Variants in BMERB1 observed in about 807,000 individuals in gnomAD.
The protein encoded by BMERB1 is bMERB domain containing 1.
Under a neutral mutation model 23.6 loss-of-function variants are expected in BMERB1, and 12 were observed. The observed-to-expected ratio is 0.51, with a 90% confidence interval of 0.33 to 0.82. The LOEUF (loss-of-function observed/expected upper bound fraction) is 0.82. Ranked by LOEUF, BMERB1 falls within the 40% of genes least tolerant of loss-of-function variation. BMERB1 has a pLI of 0.03. For synonymous variants in BMERB1, 122 were observed against 96.6 expected (o/e 1.26, Z -1.54); for missense variants, 247 against 255.4 (o/e 0.97, Z 0.22).
intron 1 of BMERB1, among the ~76,000 whole-genome samples, chr16:15,442,122 G>A (rs928043502): frequency 3.1e-4 from 47 of 152,190 alleles, no homozygotes; most frequent in African/African-American, 1.1e-3. Flanking sequence ...CCTGAGGTGA[G>A]GAGTTTGAGA....
At chr16:15,508,828 C>CAAA (rs1181215065) in intron 1 of BMERB1, among the ~76,000 whole-genome samples, 1,059 of 55,840 alleles carry the variant, frequency 0.019, 19 homozygotes, top group African/African-American at 0.065. Flanking sequence ...CCTGCCCCAC[C>CAAA]AAAAAAAAAA....
intron 3 of BMERB1, among the ~76,000 whole-genome samples, chr16:15,571,984 A>G (rs950156839): frequency 1.3e-5 from 2 of 151,942 alleles, no homozygotes; most frequent in African/African-American, 2.4e-5. Context: ...CAGGCCGGGG[A>G]TCCTATTGCT....
chr16:15,553,588 C>T (rs899992227), intron 2 of BMERB1, among the ~76,000 whole-genome samples: 1 of 152,204 alleles, frequency 6.6e-6, no homozygotes, highest in Admixed American at 6.5e-5. Context: ...GACTTCGTTC[C>T]AATAGCATGT....
intron 2 of BMERB1, among the ~76,000 whole-genome samples, chr16:15,531,623 C>G (rs2051968301): frequency 6.6e-6 from 1 of 152,166 alleles, no homozygotes; most frequent in South Asian, 2.1e-4. Flanking sequence ...TAGCTTCATC[C>G]TGTGCCGGGT....
Position 15,583,139 on chromosome 16 carries a change from C to G in BMERB1, c.420-17C>G. On this transcript the variant is annotated splice_polypyrimidine_tract_variant and intron_variant, in intron 4 of 5. Transcript: ENST00000300006. ...TTGCTGTGTATCTTCTTTTCTTTTACCCATCTACTTTCACAGGGAGCAAGA... is the reference window on the plus strand; with the variant it reads ...TTGCTGTGTATCTTCTTTTCTTTTAGCCATCTACTTTCACAGGGAGCAAGA... 1 of 1,581,016 alleles carries G rather than the reference C, an allele frequency of 6.3e-7. No individual in the cohort carries two copies. Among genetic ancestry groups the G allele is most frequent in the Non-Finnish European group, 8.7e-7 (1 of 1,149,964 alleles).
intron 1 of BMERB1, among the ~76,000 whole-genome samples, chr16:15,495,461 G>A (rs1013505371): frequency 1.2e-4 from 19 of 152,082 alleles, no homozygotes. Flanking sequence ...CGCCTCCCGG[G>A]TTCACACCAT....
At chr16:15,577,549 G>A (rs2030897391) in intron 3 of BMERB1, among the ~76,000 whole-genome samples, 1 of 152,218 alleles carries the variant, frequency 6.6e-6, no homozygotes, top group Non-Finnish European at 1.5e-5. Context: ...GGAATGAAAG[G>A]CAGTAAAGGA....
chr16:15,464,312 TAAAAAAAAAAA>T (rs528828210), intron 1 of BMERB1, among the ~76,000 whole-genome samples: 181 of 103,996 alleles, frequency 1.7e-3, no homozygotes, highest in African/African-American at 6.5e-3. Context: ...GACTTCATCT[TAAAAAAAAAAA>T]AAAAAAAAAG....
intron 1 of BMERB1, among the ~76,000 whole-genome samples, chr16:15,489,343 G>C (rs527627531): frequency 6.6e-6 from 1 of 152,220 alleles, no homozygotes; most frequent in African/African-American, 2.4e-5. Flanking sequence ...TAAATGCTCT[G>C]AACAAAATGT....
chr16:15,453,105 G>T (rs1347142843), intron 1 of BMERB1, among the ~76,000 whole-genome samples: 2 of 152,144 alleles, frequency 1.3e-5, no homozygotes, highest in Non-Finnish European at 2.9e-5. Context: ...CCGGGAGACG[G>T]AGGTTGCAGT....
intron 2 of BMERB1, among the ~76,000 whole-genome samples, chr16:15,530,285 T>C (rs2051954170): frequency 6.6e-6 from 1 of 152,210 alleles, no homozygotes; most frequent in South Asian, 2.1e-4. Context: ...TTCAAAAAAT[T>C]GCAACCTCAG....
chr16:15,442,685 C>T (rs2050950356), intron 1 of BMERB1, among the ~76,000 whole-genome samples: 1 of 152,110 alleles, frequency 6.6e-6, no homozygotes, highest in Admixed American at 6.6e-5. Flanking sequence ...CATAACAGCC[C>T]TATGACATAA....
At chr16:15,513,167 A>T (rs1302712813) in intron 1 of BMERB1, among the ~76,000 whole-genome samples, 1 of 152,152 alleles carries the variant, frequency 6.6e-6, no homozygotes, top group Non-Finnish European at 1.5e-5. Flanking sequence ...TTCACCCTAG[A>T]AACATAGCCC....
At chr16:15,496,008 G>GGTGATA (rs200316650) in intron 1 of BMERB1, among the ~76,000 whole-genome samples, 2,398 of 145,020 alleles carry the variant, frequency 0.017, 30 homozygotes, top group Non-Finnish European at 0.02. Context: ...TGGTGGTGGT[G>GGTGATA]GTGATAGTGG....
intron 3 of BMERB1, among the ~76,000 whole-genome samples, chr16:15,570,227 C>T (rs752561472): frequency 1.3e-5 from 2 of 152,102 alleles, no homozygotes; most frequent in South Asian, 2.1e-4. Context: ...ACCTAGGAGC[C>T]GGGCTTGCAG....
chr16:15,580,496 G>T (rs2030979709), intron 3 of BMERB1, among the ~76,000 whole-genome samples: 1 of 151,864 alleles, frequency 6.6e-6, no homozygotes, highest in Non-Finnish European at 1.5e-5. Context: ...TCATCCAGAG[G>T]GTGGAAGGGC....
chr16:15,510,341 C>T (rs138537823), intron 1 of BMERB1, among the ~76,000 whole-genome samples: 88 of 152,244 alleles, frequency 5.8e-4, no homozygotes, highest in African/African-American at 2.0e-3. Context: ...CAGACCTGGA[C>T]TCAGCTCTTT....
At chr16:15,446,616 G>T (rs1316792191) in intron 1 of BMERB1, among the ~76,000 whole-genome samples, 2 of 152,186 alleles carry the variant, frequency 1.3e-5, no homozygotes. Flanking sequence ...CTGATAAGTG[G>T]TAGGGCTGAG....
At position 15,451,733 on chromosome 16, in the gene BMERB1, ATTTTTTT is replaced by A. The variant is rs71152429; in HGVS notation, c.106+16991_106+16997del. ...GTCACCACACCCAGCTAGCTAACTA[ATTTTTTT>A]TTTTTTTTTTTTTTTTGTAGAGACA... is the stretch of plus-strand genomic sequence containing the variant. On this transcript the variant is annotated intron_variant, in intron 1 of 5. Coordinates refer to ENST00000300006, the MANE Select transcript of BMERB1 (RefSeq NM_033201.3). 2.4e-3 allele frequency among the ~76,000 whole-genome samples: 189 copies of A among 77,414 alleles called. 1 individual carries two copies. The highest frequency in any genetic ancestry group is 9.6e-3 in the African/African-American group (159 of 16,634). The allele number at this position is 77,414 out of a possible 152,430, so 50.8% of individuals were successfully genotyped here.
Sources: allele counts gnomAD v4.1 joint callset (sites outside exome capture counted in the v4.1 genomes callset), GRCh38; gene constraint gnomAD v4.1.1; transcripts MANE v1.5; gene names NCBI Gene and HGNC (gene_info 2026-07-23, HGNC 2026-07-21).